FBXL2: variants seen among roughly 807,000 people sequenced by gnomAD.
FBXL2 encodes the protein F-box/LRR-repeat protein 2.
A neutral mutation model predicts 69.2 loss-of-function variants in FBXL2; 38 were observed. That is an observed-to-expected ratio of 0.55 (90% confidence interval 0.42 to 0.72). The LOEUF is 0.72. Ranked by LOEUF, FBXL2 falls within the 30% of genes least tolerant of loss-of-function variation. The pLI is 0.00. For missense variants in FBXL2, 354 were observed against 520.3 expected (o/e 0.68, Z 3.11); for synonymous variants, 192 against 201.3 (o/e 0.95, Z 0.39).
intron 9 of FBXL2, 59 bp from the exon 10 acceptor site, chr3:33,375,229 C>T: frequency 6.3e-7 from 1 of 1,584,502 alleles, no homozygotes. Flanking sequence ...TTTTCTGCTG[C>T]TCCCGTTTTG....
chr3:33,389,090 G>A (rs902049852), downstream of FBXL2: 2 of 152,626 alleles, frequency 1.3e-5, no homozygotes, highest in Non-Finnish European at 2.9e-5. Flanking sequence ...GAAGGACGGA[G>A]ATATGGGAGG....
chr3:33,412,934 T>C, the FBXL2 span: 2 of 695,036 alleles, frequency 2.9e-6, no homozygotes, highest in Non-Finnish European at 5.2e-6. Flanking sequence ...CACATACAAC[T>C]AGATTCTGTT....
chr3:33,384,109 G>GC lies in FBXL2; in HGVS notation c.1075dup (p.Leu359ProfsTer82). ...CAACTGCCTCCTCATCACTGATGTG[G>GC]CCCTGGAACACCTAGAGAACTGCCG... On this transcript the variant is annotated frameshift_variant, in exon 14 of 15. Coordinates refer to ENST00000484457, the MANE Select transcript of FBXL2 (RefSeq NM_012157.5). LOFTEE classifies it high-confidence loss of function. The GC allele has an allele frequency of 6.2e-7, 1 of 1,614,148 alleles. No homozygotes were observed. The highest frequency in any genetic ancestry group is 8.5e-7 in the Non-Finnish European group (1 of 1,180,030).
At chr3:33,377,158 C>A in intron 10 of FBXL2, 115 bp from the exon 11 acceptor site, 2 of 1,014,390 alleles carry the variant, frequency 2.0e-6, no homozygotes, top group Non-Finnish European at 3.1e-6. Context: ...GGGCTGTTAA[C>A]AGAGGCAAAA....
chr3:33,404,167 C>G (rs2044350047), downstream of FBXL2, among the ~76,000 whole-genome samples: 1 of 152,146 alleles, frequency 6.6e-6, no homozygotes, highest in Non-Finnish European at 1.5e-5. Flanking sequence ...AATCCCAGCA[C>G]TCTGGGAGGC....
At chr3:33,383,962 A>T (rs2043232170) in intron 13 of FBXL2, 27 bp from the exon 14 acceptor site, 1 of 1,609,076 alleles carries the variant, frequency 6.2e-7, no homozygotes. Flanking sequence ...GGTCCTGCAA[A>T]CATTTACTCA....
the FBXL2 span, among the ~76,000 whole-genome samples, chr3:33,416,389 G>A: frequency 6.6e-6 from 1 of 152,158 alleles, no homozygotes; most frequent in Non-Finnish European, 1.5e-5. Context: ...GGTGAACAGA[G>A]ATTTCTATTT....
chr3:33,337,600 G>A (rs2039689950), intron 2 of FBXL2, among the ~76,000 whole-genome samples: 1 of 152,084 alleles, frequency 6.6e-6, no homozygotes, highest in Admixed American at 6.5e-5. Flanking sequence ...CTACTAAATG[G>A]GAAGTTCTAG....
At chr3:33,418,636 A>G in the FBXL2 span, among the ~76,000 whole-genome samples, 1 of 151,806 alleles carries the variant, frequency 6.6e-6, no homozygotes, top group Non-Finnish European at 1.5e-5. Flanking sequence ...AGGCGGGCAG[A>G]TCACCTGAGG....
At chr3:33,391,587 C>T (rs2043766466), downstream of FBXL2, 1 of 152,130 alleles carries the variant, frequency 6.6e-6, no homozygotes, top group South Asian at 2.1e-4. Context: ...GTTGATTTAC[C>T]CCAACCATAC....
Position 33,396,369 on chromosome 3 carries a change from A to G in FBXL2, n.1215-6865A>G, listed in dbSNP as rs1050021662. 4.8e-5 allele frequency: 47 copies of G among 970,400 alleles called. No individual in the cohort carries two copies. In the African/African-American group the frequency reaches 6.8e-4, roughly 14 times the overall value. The allele number at this position is 970,400 out of a possible 1,614,324, so 60.1% of individuals were successfully genotyped here. A position where few individuals can be genotyped will look rare whatever the true frequency, so the allele number is the denominator to read the frequency against. On this transcript the variant is annotated intron_variant and non_coding_transcript_variant, in intron 12 of 12. Coordinates refer to the FBXL2 transcript ENST00000463736. ...TGACAACTACAGGAATCTAAGTTCTATTTCCTTATGAGAACTTTATAATGT... is the reference window on the plus strand; with the variant it reads ...TGACAACTACAGGAATCTAAGTTCTGTTTCCTTATGAGAACTTTATAATGT...
intron 2 of FBXL2, among the ~76,000 whole-genome samples, chr3:33,302,049 TG>T (rs2125731353): frequency 6.6e-6 from 1 of 152,306 alleles, no homozygotes; most frequent in South Asian, 2.1e-4. Flanking sequence ...TCGCTCTTAT[TG>T]TATATTAATA....
At chr3:33,288,525 G>A (rs1388187835) in intron 1 of FBXL2, among the ~76,000 whole-genome samples, 2 of 152,210 alleles carry the variant, frequency 1.3e-5, no homozygotes, top group African/African-American at 2.4e-5. Context: ...ATGTAGAATA[G>A]AAGGGAAGGC....
intron 1 of FBXL2, among the ~76,000 whole-genome samples, chr3:33,294,834 C>A (rs1397402778): frequency 1.3e-5 from 2 of 149,410 alleles, no homozygotes; most frequent in African/African-American, 2.5e-5. Context: ...TAGAGTGAGA[C>A]CCTGTTTCCA....
the FBXL2 span, among the ~76,000 whole-genome samples, chr3:33,419,499 G>C: frequency 6.6e-6 from 1 of 152,148 alleles, no homozygotes; most frequent in East Asian, 1.9e-4. Context: ...GTGGTGGCAG[G>C]CACCTGTAAT....
At chr3:33,279,773 A>G (rs757058542) in intron 1 of FBXL2, among the ~76,000 whole-genome samples, 6 of 152,212 alleles carry the variant, frequency 3.9e-5, no homozygotes, top group Non-Finnish European at 8.8e-5. Context: ...ATTACTATAG[A>G]GGCAGTAGAA....
In FBXL2 at chr3:33,307,691, G is replaced by GAT. The variant is rs200771212; in HGVS notation, c.65+9976_65+9977dup. ...CTCAAACATTTCAGAGAAAATGAGA[G>GAT]ATATATATATAATATATTAAATATG... is the stretch of plus-strand genomic sequence containing the variant. On this transcript the variant is annotated intron_variant, in intron 2 of 14. Transcript: ENST00000484457. Among the ~76,000 whole-genome samples the GAT allele has an allele frequency of 6.0e-3, 903 of 151,666 alleles. 9 individuals are homozygous for GAT. The highest frequency in any genetic ancestry group is 0.019 in the African/African-American group (807 of 41,426).
intron 2 of FBXL2, among the ~76,000 whole-genome samples, chr3:33,330,125 A>G (rs1181449947): frequency 6.6e-6 from 1 of 152,008 alleles, no homozygotes; most frequent in East Asian, 1.9e-4. Flanking sequence ...TCTAGAAAAA[A>G]ATTTTAAATT....
chr3:33,385,146 A>G (rs539068399), intron 14 of FBXL2, among the ~76,000 whole-genome samples: 1 of 152,336 alleles, frequency 6.6e-6, no homozygotes, highest in East Asian at 1.9e-4. Context: ...GGCTTTTTCC[A>G]TATAGTTCAC....
Sources: allele counts gnomAD v4.1 joint callset (sites outside exome capture counted in the v4.1 genomes callset), GRCh38; gene constraint gnomAD v4.1.1; transcripts MANE v1.5; gene names NCBI Gene and HGNC (gene_info 2026-07-23, HGNC 2026-07-21).